GCA: variants seen among roughly 807,000 people sequenced by gnomAD.
GCA encodes grancalcin.
Under a neutral mutation model 32.6 loss-of-function variants are expected in GCA, and 30 were observed. The ratio of observed to expected loss-of-function variants is 0.92; its 90% CI spans 0.69 to 1.25. The LOEUF is 1.25. GCA is among the 50% of genes most tolerant of loss of function. The pLI, the probability that GCA is intolerant of heterozygous loss-of-function variation, is 0.00. For missense variants in GCA, 291 were observed against 266.8 expected (o/e 1.09, Z -0.63); for synonymous variants, 102 against 84.6 (o/e 1.21, Z -1.13).
downstream of GCA, chr2:162,373,720 CA>C: frequency 2.4e-6 from 3 of 1,261,178 alleles, no homozygotes; most frequent in Non-Finnish European, 1.0e-6. Context: ...ATTTCAGGAG[CA>C]TTTAAAAAAA....
rs925662121 is a variant in GCA, at chr2:162,361,322, A to G, written c.*1079A>G. 7 of 983,806 alleles carry G rather than the reference A, an allele frequency of 7.1e-6. No homozygotes were observed. Among genetic ancestry groups the G allele is most frequent in the Non-Finnish European group, 8.4e-6 (7 of 828,768 alleles). The allele number at this position is 983,806 out of a possible 1,614,324, so 60.9% of individuals were successfully genotyped here. On this transcript the variant is annotated 3_prime_UTR_variant, in exon 8 of 8. Transcript: ENST00000437150. ...AATCACCAGATCTTTAGTGTTTAAT[A>G]TCCCTGGTATAAGATGTTATAATTA...
chr2:162,320,563 T>C (rs1264123756), intron 1 of GCA, among the ~76,000 whole-genome samples: 1 of 152,224 alleles, frequency 6.6e-6, no homozygotes, highest in East Asian at 1.9e-4. Context: ...TTCATACCAC[T>C]TAATTGTTGC....
In GCA at chr2:162,357,048, G is replaced by T. The variant is rs192885167; in HGVS notation, c.454+143G>T. 2.8e-3 allele frequency: 1,559 copies of T among 549,472 alleles called. 11 individuals carry two copies. The highest frequency in any genetic ancestry group is 7.7e-3 in the South Asian group (243 of 31,750). 34.0% of individuals were successfully genotyped at this position (549,472 alleles called of 1,614,324 possible). On this transcript the variant is annotated intron_variant, in intron 5 of 7. Coordinates refer to ENST00000437150, the MANE Select transcript of GCA (RefSeq NM_012198.5). The stretch of plus-strand genomic sequence containing the variant: ...CCTTTGTTTGTTTTCAAGGTTGTAG[G>T]TAAATTCTGACCAAAGACCTCAACA...
At position 162,322,677 on chromosome 2, in the gene GCA, G is replaced by A. The variant is rs1349327214; in HGVS notation, c.-31+3452G>A. On this transcript the variant is annotated intron_variant, in intron 1 of 4. Coordinates refer to the GCA transcript ENST00000429691. ...GCGGTGTTTGGTTTTTTGTTCTTGCGATAGTTTACTGAGAATGATGATTTC... is the reference window on the plus strand; with the variant it reads ...GCGGTGTTTGGTTTTTTGTTCTTGCAATAGTTTACTGAGAATGATGATTTC... Among the ~76,000 whole-genome samples the A allele has an allele frequency of 2.4e-3, 352 of 149,724 alleles. 4 individuals carry two copies. The highest frequency in any genetic ancestry group is 7.5e-3 in the African/African-American group (303 of 40,138).
At chr2:162,344,384 C>A in intron 1 of GCA, 109 bp downstream of exon 1, 1 of 1,064,692 alleles carries the variant, frequency 9.4e-7, no homozygotes, top group Non-Finnish European at 1.4e-6. Flanking sequence ...TGCGTCCGCG[C>A]CTGGTACTCG....
chr2:162,343,569 C>G (rs1479266499), upstream of GCA, among the ~76,000 whole-genome samples: 1 of 152,196 alleles, frequency 6.6e-6, no homozygotes, highest in Admixed American at 6.5e-5. Context: ...CATTTATCTA[C>G]CAAACAGAAT....
chr2:162,321,718 A>C (rs1204421219), intron 1 of GCA, among the ~76,000 whole-genome samples: 1 of 151,914 alleles, frequency 6.6e-6, no homozygotes, highest in Non-Finnish European at 1.5e-5. Context: ...GTATCATGTC[A>C]GAAGTTTGTT....
downstream of GCA, among the ~76,000 whole-genome samples, chr2:162,366,624 A>G (rs529755432): frequency 3.9e-5 from 6 of 151,968 alleles, no homozygotes; most frequent in Non-Finnish European, 8.8e-5. Context: ...CATTTGAAAC[A>G]TGATCCTTTT....
intron 3 of GCA, among the ~76,000 whole-genome samples, chr2:162,355,250 C>T (rs957595280): frequency 3.3e-5 from 5 of 152,112 alleles, no homozygotes; most frequent in African/African-American, 9.7e-5. Flanking sequence ...CGCCACCTTA[C>T]TCATGCTAAG....
chr2:162,328,638 C>T (rs1683973771), intron 1 of GCA, among the ~76,000 whole-genome samples: 1 of 152,088 alleles, frequency 6.6e-6, no homozygotes, highest in Non-Finnish European at 1.5e-5. Flanking sequence ...CCTGAAGCCT[C>T]GGTGGGAGTG....
At chr2:162,375,367 C>A (rs1686126882), downstream of GCA, among the ~76,000 whole-genome samples, 1 of 152,134 alleles carries the variant, frequency 6.6e-6, no homozygotes, top group Non-Finnish European at 1.5e-5. Context: ...CAGCAGCTGT[C>A]TCTGAGAAAT....
chr2:162,359,986 AAGAC>A (rs972973853), intron 7 of GCA, among the ~76,000 whole-genome samples: 3 of 151,258 alleles, frequency 2.0e-5, no homozygotes, highest in Admixed American at 1.3e-4. Context: ...TTCAAGGTAT[AAGAC>A]AGTTATATTT....
intron 5 of GCA, among the ~76,000 whole-genome samples, chr2:162,357,418 G>A (rs10490427): frequency 0.02 from 3,082 of 151,864 alleles, 111 homozygotes; most frequent in African/African-American, 0.071. Flanking sequence ...ATAAGCTGAT[G>A]TTCCTAGTGT....
chr2:162,329,509 C>T (rs1684001182), intron 1 of GCA, among the ~76,000 whole-genome samples: 1 of 151,736 alleles, frequency 6.6e-6, no homozygotes, highest in African/African-American at 2.4e-5. Flanking sequence ...TCTTAATTAG[C>T]TCATCTCATT....
chr2:162,321,552 A>C lies in GCA; in HGVS notation c.-31+2327A>C, dbSNP rs562022275. 2.6e-5 allele frequency among the ~76,000 whole-genome samples: 4 copies of C among 152,094 alleles called. No homozygotes were observed. The East Asian group carries it at 7.8e-4, about 30-fold the overall frequency. On this transcript the variant is annotated intron_variant, in intron 1 of 4. Coordinates refer to the GCA transcript ENST00000429691. ...TAATGAGCCTGCTTTGTGTAATTTA[A>C]AGTGTTAGATGCTCTTAACCTGGCA...
chr2:162,342,550 A>G (rs1224300631), upstream of GCA, among the ~76,000 whole-genome samples: 1 of 152,174 alleles, frequency 6.6e-6, no homozygotes, highest in African/African-American at 2.4e-5. Flanking sequence ...AGCTTAGGAA[A>G]GTCCTAAGAA....
chr2:162,370,568 T>A (rs1262150773), intron 4 of GCA, among the ~76,000 whole-genome samples: 1 of 152,154 alleles, frequency 6.6e-6, no homozygotes, highest in Non-Finnish European at 1.5e-5. Context: ...AATAGATTTT[T>A]ATTTAATTTT....
intron 5 of GCA, 31 bp downstream of exon 5, chr2:162,356,936 A>G: frequency 6.7e-7 from 1 of 1,490,468 alleles, no homozygotes; most frequent in Non-Finnish European, 9.2e-7. Flanking sequence ...TAGAATCTAT[A>G]AAGCTAATCT....
At chr2:162,329,376 T>G (rs1253479071) in intron 1 of GCA, among the ~76,000 whole-genome samples, 1 of 152,212 alleles carries the variant, frequency 6.6e-6, no homozygotes, top group African/African-American at 2.4e-5. Flanking sequence ...TTGAGATAAA[T>G]TGAATCAAAC....
Sources: gnomAD v4.1 joint callset for allele counts (sites outside exome capture counted in the v4.1 genomes callset) on GRCh38, gnomAD v4.1.1 for gene constraint, MANE v1.5 for transcripts, NCBI Gene and HGNC (gene_info 2026-07-23, HGNC 2026-07-21) for gene names.